KCNQ2: variants seen among roughly 807,000 people sequenced by gnomAD.
KCNQ2 encodes potassium voltage-gated channel subfamily KQT member 2.
In KCNQ2, 14 loss-of-function variants were observed where a neutral mutation model predicts 84.8. The ratio of observed to expected loss-of-function variants is 0.17; its 90% CI spans 0.11 to 0.26. The LOEUF (loss-of-function observed/expected upper bound fraction) is 0.26. KCNQ2 is among the 10% of genes least tolerant of loss of function. KCNQ2 has a pLI of 1.00. For missense variants in KCNQ2, 788 were observed against 1,254.0 expected, an observed-to-expected ratio of 0.63 and a Z score of 5.61; for synonymous variants, 599 against 554.1, an observed-to-expected ratio of 1.08 and a Z score of -1.14.
rs376524952 is a variant in KCNQ2 at position 63,467,963 on chromosome 20, G to A, written c.296+4205C>T. Among the ~76,000 whole-genome samples the A allele has an allele frequency of 5.3e-4, 81 of 152,310 alleles. 1 individual carries two copies. The South Asian group carries it at 0.017, about 31-fold the overall frequency. Reference sequence around the variant, plus strand: ...GCTCTCACTGTGGAATGGTCAGGAGGAGAGTTTCTGCTTATCCTTTAGCTC... The same window carrying A: ...GCTCTCACTGTGGAATGGTCAGGAGAAGAGTTTCTGCTTATCCTTTAGCTC... On this transcript the variant is annotated intron_variant, in intron 1 of 16. Coordinates refer to ENST00000359125, the MANE Select transcript of KCNQ2 (RefSeq NM_172107.4).
rs1020731199 is a variant in KCNQ2, at chr20:63,400,549, C to T, written c.*6095G>A. On this transcript the variant is annotated 3_prime_UTR_variant, in exon 17 of 17. Transcript: ENST00000359125. This position sits in a 1 kb window ranked among gnomAD's most constrained non-coding sequence, Gnocchi z 8.7. ...GGTCACTACGGCACAAGGACACATA[C>T]AAAATGGTCAGAAGTGTACGTCGGT... 24 of 398,264 alleles carry T rather than the reference C, an allele frequency of 6.0e-5. No homozygotes were observed. Among genetic ancestry groups the T allele is most frequent in the Admixed American group, 8.8e-5 (2 of 22,720 alleles). The allele number at this position is 398,264 out of a possible 1,614,324, so 24.7% of individuals were successfully genotyped here.
At chr20:63,450,300 G>A (rs6062451) in intron 1 of KCNQ2, among the ~76,000 whole-genome samples, 27,180 of 150,614 alleles carry the variant, frequency 0.18, 3,174 homozygotes, top group Non-Finnish European at 0.27. Flanking sequence ...GGACGAGGGC[G>A]GCCGCAGAGG....
chr20:63,443,268 T>C (rs1425668755), intron 4 of KCNQ2, among the ~76,000 whole-genome samples: 68 of 9,798 alleles, frequency 6.9e-3, no homozygotes, highest in African/African-American at 0.02. Context: ...GCCACCATCA[T>C]CACCACCATC....
chr20:63,424,070 A>G, intron 11 of KCNQ2, 107 bp downstream of exon 11: 4 of 1,274,756 alleles, frequency 3.1e-6, no homozygotes, highest in Non-Finnish European at 4.5e-6. Flanking sequence ...ACACGGAAGC[A>G]CACACAAGGC....
chr20:63,414,134 T>A lies in KCNQ2; in HGVS notation c.1585A>T (p.Thr529Ser), dbSNP rs1413589580. ...TTGAGGCCCGGGGTCAGGTCCTCGGTCACAAACTCGCAGGGGCAGCTCTTG... is the reference window on the plus strand; with the variant it reads ...TTGAGGCCCGGGGTCAGGTCCTCGGACACAAACTCGCAGGGGCAGCTCTTG... Reference protein sequence around the residue: ...DDKSCPCEFVTEDLTPGLKVS... With the variant: ...DDKSCPCEFVSEDLTPGLKVS... Residue 529 changes from threonine to serine, a missense_variant, in exon 14 of 17, where the codon ACC becomes TCC. Transcript: ENST00000359125. This position sits in a 1 kb window ranked among gnomAD's most constrained non-coding sequence, Gnocchi z 6.6. 2 of 1,613,602 alleles carry A rather than the reference T, an allele frequency of 1.2e-6. No homozygotes were observed. The highest frequency in any genetic ancestry group is 1.7e-6 in the Non-Finnish European group (2 of 1,179,946).
chr20:63,472,097 CGGGGTCGCCGATGGGGTCGCCGATG>C, intron 1 of KCNQ2, 46 bp downstream of exon 1: 2 of 1,179,154 alleles, frequency 1.7e-6, no homozygotes, highest in Non-Finnish European at 2.3e-6. Context: ...CCAGCCTGGC[CGGGGTCGCCGATGGGGTCGCCGATG>C]GGGGTCGCCA....
At position 63,402,071 on chromosome 20, in the gene KCNQ2, C is replaced by T. The variant is rs977478781; in HGVS notation, c.*4573G>A. ...CCTCTCACACCACGTCTGCCGGGCACCCTCCATGGCAGGTCCAAGCCCTGT... is the reference window on the plus strand; with the variant it reads ...CCTCTCACACCACGTCTGCCGGGCATCCTCCATGGCAGGTCCAAGCCCTGT... On this transcript the variant is annotated 3_prime_UTR_variant, in exon 17 of 17. Transcript: ENST00000359125. 6.3e-5 allele frequency: 11 copies of T among 174,212 alleles called. No individual in the cohort carries two copies. Among genetic ancestry groups the T allele is most frequent in the Admixed American group, 5.3e-4 (8 of 15,122 alleles). The allele number at this position is 174,212 out of a possible 1,614,324, so 10.8% of individuals were successfully genotyped here. A position where few individuals can be genotyped will look rare whatever the true frequency, so the allele number is the denominator to read the frequency against.
At position 63,425,160 on chromosome 20, in the gene KCNQ2, C is replaced by A. The variant is rs1283385320; in HGVS notation, c.1218-954G>T. ...GGACAGCTGTCACCGGGCTAGGGCT[C>A]AAGCTGTCACCAGGCTCATCAGGAT... On this transcript the variant is annotated intron_variant, in intron 10 of 16. Transcript: ENST00000359125. This position sits in a 1 kb window ranked among gnomAD's most constrained non-coding sequence, Gnocchi z 5.5. Among the ~76,000 whole-genome samples the A allele has an allele frequency of 6.6e-6, 1 of 152,198 alleles. No individual in the cohort carries two copies. The highest frequency in any genetic ancestry group is 1.5e-5 in the Non-Finnish European group (1 of 68,048).
Position 63,413,542 on chromosome 20 carries a change from C to T in KCNQ2, c.1671G>A (p.Glu557=). Residue 557 remains glutamate, a synonymous_variant, in exon 15 of 17, where the codon GAG becomes GAA. Transcript: ENST00000359125. ...CCATCACGTCGTAGGGCCGCAGGCT[C>T]TCCTTGAACTTCCGCTTGGACACCA... ...RFLVSKRKFK[E]SLRPYDVMDV... is the part of the protein sequence containing the mutation. 1 of 1,613,388 alleles carries T rather than the reference C, an allele frequency of 6.2e-7. No individual in the cohort carries two copies. The highest frequency in any genetic ancestry group is 1.7e-4 in the Middle Eastern group (1 of 6,060).
At chr20:63,421,121 G>C (rs932506708) in intron 11 of KCNQ2, among the ~76,000 whole-genome samples, 2 of 152,106 alleles carry the variant, frequency 1.3e-5, no homozygotes, top group African/African-American at 4.8e-5. Flanking sequence ...CATGAAGGAG[G>C]CAGGGTCCCG....
chr20:63,443,123 C>CCAT, intron 4 of KCNQ2, among the ~76,000 whole-genome samples: 1 of 86,322 alleles, frequency 1.2e-5, no homozygotes, highest in South Asian at 5.6e-4. Context: ...ACCACTATCA[C>CCAT]CACCACCACC....
chr20:63,455,480 A>G (rs1325536389), intron 1 of KCNQ2, among the ~76,000 whole-genome samples: 2 of 152,168 alleles, frequency 1.3e-5, no homozygotes, highest in Admixed American at 6.5e-5. Context: ...CCAGATCACA[A>G]GAGAGGCCAT....
intron 10 of KCNQ2, among the ~76,000 whole-genome samples, chr20:63,426,068 A>G (rs2080623179): frequency 6.6e-6 from 1 of 152,126 alleles, no homozygotes; most frequent in South Asian, 2.1e-4. Context: ...CCCGTTTCCT[A>G]AAGGGCAGCT....
chr20:63,433,732 C>A (rs1389404110), intron 8 of KCNQ2, 77 bp downstream of exon 8: 11 of 1,610,902 alleles, frequency 6.8e-6, no homozygotes, highest in Non-Finnish European at 9.3e-6. Flanking sequence ...TAATGAACAA[C>A]AAAAAGTGGG....
chr20:63,467,197 G>T (rs1415666821), intron 1 of KCNQ2, among the ~76,000 whole-genome samples: 2 of 152,156 alleles, frequency 1.3e-5, no homozygotes, highest in Non-Finnish European at 2.9e-5. Context: ...CTGCCTCTGG[G>T]CAAGGCAGCT....
Position 63,444,710 on chromosome 20 carries a change from C to G in KCNQ2, c.639G>C (p.Arg213=). 6.3e-7 allele frequency: 1 copy of G among 1,594,392 alleles called. No homozygotes were observed. The highest frequency in any genetic ancestry group is 8.5e-7 in the Non-Finnish European group (1 of 1,170,976). The part of the protein sequence containing the change: ...LQILRMIRMD[R]RGGTWKLLGS... ...CCAGCAGCTTCCAGGTGCCTCCCCG[C>G]CGGTCCATGCGGATCATCCGCAGAA... The change falls in exon 4 of 17, where the codon CGG becomes CGC. Residue 213 remains arginine (R), a synonymous_variant. Transcript: ENST00000359125.
intron 5 of KCNQ2, among the ~76,000 whole-genome samples, chr20:63,440,451 C>T (rs2081126533): frequency 6.6e-6 from 1 of 152,134 alleles, no homozygotes. Flanking sequence ...ATGTTGGGGC[C>T]GCAGCCCACC....
At chr20:63,458,170 C>T (rs1245918589) in intron 1 of KCNQ2, among the ~76,000 whole-genome samples, 4 of 152,260 alleles carry the variant, frequency 2.6e-5, no homozygotes, top group South Asian at 4.1e-4. Context: ...CGGCATGCCC[C>T]GGCTACCCAC....
Position 63,409,206 on chromosome 20 carries a change from C to T in KCNQ2, c.1764-670G>A, listed in dbSNP as rs533779198. ...AAAGCTGCGAGGGTCTGTGTGTGCACGTGTGTGTGCACTCGATGTGCATGT... is the reference window on the plus strand; with the variant it reads ...AAAGCTGCGAGGGTCTGTGTGTGCATGTGTGTGTGCACTCGATGTGCATGT... On this transcript the variant is annotated intron_variant, in intron 15 of 16. Transcript: ENST00000359125. Among the ~76,000 whole-genome samples, 161 of 152,302 alleles carry T rather than the reference C, an allele frequency of 1.1e-3. 1 individual carries two copies. Among genetic ancestry groups the T allele is most frequent in the African/African-American group, 3.7e-3 (155 of 41,566 alleles).
Sources: allele counts gnomAD v4.1 joint callset (sites outside exome capture counted in the v4.1 genomes callset), GRCh38; gene constraint gnomAD v4.1.1; non-coding constraint Gnocchi (gnomAD v3.1); transcripts MANE v1.5; gene names NCBI Gene and HGNC (gene_info 2026-07-23, HGNC 2026-07-21).